Variants in PIGP observed in about 807,000 individuals in gnomAD.
PIGP encodes phosphatidylinositol glycan anchor biosynthesis class P.
PIGP carries 12 observed loss-of-function variants against 16.9 expected under a neutral mutation model. The observed-to-expected ratio is 0.71, with a 90% CI of 0.46 to 1.15. PIGP has a LOEUF of 1.15. Among genes scored for constraint, PIGP ranks in the 50% most tolerant of loss-of-function variants. PIGP has a pLI of 0.00. For synonymous variants in PIGP, 57 were observed against 54.7 expected (o/e 1.04, Z -0.18); for missense variants, 159 against 153.5 (o/e 1.04, Z -0.19).
intron 2 of PIGP, among the ~76,000 whole-genome samples, chr21:37,071,959 T>A (rs1205210874): frequency 6.6e-6 from 1 of 152,146 alleles, no homozygotes. Flanking sequence ...GCTCCTCGGG[T>A]CCAAACCCTC....
intron 2 of PIGP, among the ~76,000 whole-genome samples, chr21:37,070,838 C>T (rs1024458673): frequency 3.9e-5 from 6 of 152,240 alleles, no homozygotes; most frequent in Non-Finnish European, 8.8e-5. Flanking sequence ...TCTCAGCTCA[C>T]GGCAACCTCC....
chr21:37,070,030 A>G (rs1310164081), intron 2 of PIGP, among the ~76,000 whole-genome samples: 1 of 152,146 alleles, frequency 6.6e-6, no homozygotes, highest in Non-Finnish European at 1.5e-5. Context: ...CATCCACCAC[A>G]TACTGAGCTT....
At chr21:37,072,754 G>A in intron 1 of PIGP, 2 of 671,168 alleles carry the variant, frequency 3.0e-6, no homozygotes, top group Non-Finnish European at 5.0e-6. Flanking sequence ...GGCAGGGAGG[G>A]GGGTTCTGGG....
chr21:37,067,460 T>C, intron 3 of PIGP, 80 bp from the exon 4 acceptor site: 1 of 783,158 alleles, frequency 1.3e-6, no homozygotes, highest in Non-Finnish European at 2.2e-6. Flanking sequence ...AAAGCCAACA[T>C]GTTTTTTAAA....
At chr21:37,065,749 C>A in intron 4 of PIGP, 37 bp from the exon 5 acceptor site, 3 of 1,600,270 alleles carry the variant, frequency 1.9e-6, no homozygotes, top group Non-Finnish European at 2.6e-6. Context: ...TTTACCTAAG[C>A]AATTTCTTCT....
intron 1 of PIGP, 187 bp from the exon 2 acceptor site, chr21:37,072,724 G>T: frequency 1.1e-6 from 1 of 883,692 alleles, no homozygotes; most frequent in Admixed American, 2.5e-5. Flanking sequence ...CCCCGCAACA[G>T]AAGGGGTGGC....
chr21:37,072,886 G>A (rs969551232), intron 1 of PIGP, 114 bp downstream of exon 1: 2 of 390,496 alleles, frequency 5.1e-6, no homozygotes, highest in Non-Finnish European at 4.6e-6. Flanking sequence ...CCCAGGCCCC[G>A]GGCCCTGCCC....
intron 1 of PIGP, 165 bp from the exon 2 acceptor site, chr21:37,072,702 G>A (rs1240898484): frequency 8.9e-7 from 1 of 1,119,546 alleles, no homozygotes; most frequent in Non-Finnish European, 1.3e-6. Context: ...CAGACACCCA[G>A]GCTGGCGCGC....
intron 3 of PIGP, chr21:37,069,255 C>G (rs2069957846): frequency 1.1e-5 from 2 of 186,914 alleles, no homozygotes; most frequent in East Asian, 1.3e-4. Context: ...GTTGATATCT[C>G]TTTTCTGCTA....
intron 4 of PIGP, 68 bp downstream of exon 4, chr21:37,067,194 T>C (rs1044395832): frequency 4.0e-5 from 37 of 915,628 alleles, no homozygotes; most frequent in Non-Finnish European, 6.0e-5. Context: ...CTTTGTTGCT[T>C]TTCTGGGTAA....
At chr21:37,068,091 C>T (rs75522418) in intron 3 of PIGP, among the ~76,000 whole-genome samples, 2 of 151,542 alleles carry the variant, frequency 1.3e-5, no homozygotes, top group Non-Finnish European at 2.9e-5. Context: ...TCACTAGCCT[C>T]AATCTGCTGA....
At chr21:37,069,783 G>A (rs527971212) in intron 2 of PIGP, among the ~76,000 whole-genome samples, 159 bp from the exon 3 acceptor site, 27 of 151,994 alleles carry the variant, frequency 1.8e-4, no homozygotes, top group Non-Finnish European at 3.4e-4. Flanking sequence ...CTTCTAGCTC[G>A]TTTGCACAAT....
chr21:37,070,972 G>A (rs780688211), intron 2 of PIGP, among the ~76,000 whole-genome samples: 1 of 152,178 alleles, frequency 6.6e-6, no homozygotes, highest in Non-Finnish European at 1.5e-5. Context: ...TGTTGGTCTG[G>A]CTGGTCTCAA....
In PIGP at chr21:37,072,977, G is replaced by A. The variant is rs565236940; in HGVS notation, c.-23+23C>T. 224 of 189,988 alleles carry A rather than the reference G, an allele frequency of 1.2e-3. 2 individuals carry two copies. Among genetic ancestry groups the A allele is most frequent in the African/African-American group, 4.7e-3 (200 of 42,174 alleles). The allele number at this position is 189,988 out of a possible 1,614,324, so 11.8% of individuals were successfully genotyped here. A position where few individuals can be genotyped will look rare whatever the true frequency, so the allele number is the denominator to read the frequency against. On this transcript the variant is annotated intron_variant, in intron 1 of 4. Transcript: ENST00000360525. ...TCGGGTCCTTCATACGCCCACCCAG[G>A]CCCCTCCCGACACCTCGGCCACCTC...
At chr21:37,066,142 A>G (rs2069899859) in intron 4 of PIGP, among the ~76,000 whole-genome samples, 1 of 151,976 alleles carries the variant, frequency 6.6e-6, no homozygotes. Context: ...TAAAAACATC[A>G]GTAAAGTACT....
chr21:37,072,043 G>A, intron 2 of PIGP: 3 of 773,126 alleles, frequency 3.9e-6, no homozygotes, highest in East Asian at 4.9e-5. Flanking sequence ...AGTGCCAGGG[G>A]GAAAGGCCTC....
At chr21:37,068,982 C>G (rs1239000545) in intron 3 of PIGP, among the ~76,000 whole-genome samples, 4 of 152,168 alleles carry the variant, frequency 2.6e-5, no homozygotes, top group Non-Finnish European at 5.9e-5. Context: ...GAGTAAAACT[C>G]CTGTTTTCTG....
chr21:37,065,490 A>T lies in PIGP; in HGVS notation c.*92T>A. The T allele has an allele frequency of 7.8e-7, 1 of 1,287,362 alleles. No individual in the cohort carries two copies. The highest frequency in any genetic ancestry group is 1.1e-6 in the Non-Finnish European group (1 of 928,088). 79.7% of individuals were successfully genotyped at this position (1,287,362 alleles called of 1,614,324 possible). ...TACATTTTTTACTTCTCTATTAATA[A>T]GAGAGATGGTCAAATTAATTTATGG... On this transcript the variant is annotated 3_prime_UTR_variant, in exon 5 of 5. Coordinates refer to ENST00000360525, the MANE Select transcript of PIGP (RefSeq NM_153682.3).
chr21:37,072,613 G>A (rs948317001), intron 1 of PIGP, 76 bp from the exon 2 acceptor site: 1 of 1,603,756 alleles, frequency 6.2e-7, no homozygotes. Flanking sequence ...TCCTCGCTCC[G>A]CCGCGGGTAC....
Sources: allele counts gnomAD v4.1 joint callset (sites outside exome capture counted in the v4.1 genomes callset), GRCh38; gene constraint gnomAD v4.1.1; transcripts MANE v1.5; gene names NCBI Gene and HGNC (gene_info 2026-07-23, HGNC 2026-07-21).